Variants in BCO1 observed in about 807,000 individuals in gnomAD.
BCO1 encodes the protein beta,beta-carotene 15,15'-dioxygenase.
Under a neutral mutation model 56.3 loss-of-function variants are expected in BCO1, and 54 were observed. That is an observed-to-expected ratio of 0.96 (90% CI 0.77 to 1.20). BCO1 has a LOEUF of 1.20. BCO1 is among the 50% of genes most tolerant of loss of function. The pLI is 0.00. For missense variants in BCO1, 801 were observed against 690.9 expected (o/e 1.16, Z -1.79); for synonymous variants, 318 against 266.1 (o/e 1.20, Z -1.90).
rs975407482 is a variant in BCO1 at position 81,272,915 on chromosome 16, C to T, written c.1101+2499C>T. Among the ~76,000 whole-genome samples, 3 of 152,148 alleles carry T rather than the reference C, an allele frequency of 2.0e-5. No individual in the cohort carries two copies. The South Asian group carries it at 6.2e-4, about 31-fold the overall frequency. On this transcript the variant is annotated intron_variant, in intron 7 of 10. Coordinates refer to ENST00000258168, the MANE Select transcript of BCO1 (RefSeq NM_017429.3). ...AAGAAATGTGGGCAAGGTCACAGCC[C>T]AGAGTGGCAGAGCCAAGACTGGAAC...
At chr16:81,265,912 T>A (rs892257032) in intron 5 of BCO1, among the ~76,000 whole-genome samples, 4 of 150,612 alleles carry the variant, frequency 2.7e-5, no homozygotes, top group African/African-American at 9.8e-5. Context: ...CCAACATCCA[T>A]CTACCATGTG....
At chr16:81,278,105 G>A (rs963447082) in intron 7 of BCO1, among the ~76,000 whole-genome samples, 24 of 151,984 alleles carry the variant, frequency 1.6e-4, no homozygotes, top group African/African-American at 5.1e-4. Context: ...GCAGTGACGC[G>A]ATCTCGGCTC....
chr16:81,255,706 C>T (rs576891269), intron 2 of BCO1, among the ~76,000 whole-genome samples: 24 of 152,074 alleles, frequency 1.6e-4, no homozygotes, highest in Non-Finnish European at 2.9e-4. Context: ...AGGGTTTCAC[C>T]GTATAGGCCA....
At chr16:81,240,450 G>A (rs1428519916) in intron 1 of BCO1, among the ~76,000 whole-genome samples, 2 of 151,886 alleles carry the variant, frequency 1.3e-5, no homozygotes, top group African/African-American at 2.4e-5. Context: ...TCACGCCTGT[G>A]GTCCCAGCAC....
Position 81,268,106 on chromosome 16 carries a change from G to A in BCO1, c.818G>A (p.Cys273Tyr), listed in dbSNP as rs1335545819. The A allele has an allele frequency of 6.2e-7, 1 of 1,610,314 alleles. No individual in the cohort carries two copies. Among genetic ancestry groups the A allele is most frequent in the African/African-American group, 1.3e-5 (1 of 74,902 alleles). Residue 273 changes from cysteine to tyrosine, a missense_variant, in exon 6 of 11, where the codon TGC becomes TAC. Cys to Tyr is a radical substitution (Grantham distance 194). Coordinates refer to ENST00000258168, the MANE Select transcript of BCO1 (RefSeq NM_017429.3). ...AYIRRMSWAS[C>Y]LAFHREEKTY... ...ATCCGGAGAATGAGCTGGGCCTCCTGCCTGGCTTTCCACAGGGAGGAGAAG... is the reference window on the plus strand; with the variant it reads ...ATCCGGAGAATGAGCTGGGCCTCCTACCTGGCTTTCCACAGGGAGGAGAAG...
At chr16:81,254,575 T>C (rs1906013458) in intron 2 of BCO1, among the ~76,000 whole-genome samples, 1 of 152,008 alleles carries the variant, frequency 6.6e-6, no homozygotes, top group Admixed American at 6.6e-5. Context: ...AATTTTCTTA[T>C]AATTAGTGTT....
Position 81,290,521 on chromosome 16 carries a change from G to C in BCO1, c.1588G>C (p.Ala530Pro), listed in dbSNP as rs148049024. 50 of 1,614,110 alleles carry C rather than the reference G, an allele frequency of 3.1e-5. 2 individuals are homozygous for C. The South Asian group carries it at 4.6e-4, about 15-fold the overall frequency. Residue 530 changes from alanine (A) to proline (P), a missense_variant, in exon 11 of 11, where the codon GCT becomes CCT. Ala to Pro is a conservative substitution (Grantham distance 27). Coordinates refer to ENST00000258168, the MANE Select transcript of BCO1 (RefSeq NM_017429.3). ...GGACTGGGACACAAAAAAGCAGGCCGCTTCTGAGGAACAGCGGGACAGGGC... is the reference window on the plus strand; with the variant it reads ...GGACTGGGACACAAAAAAGCAGGCCCCTTCTGAGGAACAGCGGGACAGGGC... ...DMDWDTKKQAASEEQRDRASD... is the reference protein window; with the variant it reads ...DMDWDTKKQAPSEEQRDRASD...
At chr16:81,239,916 A>T (rs1248421035) in intron 1 of BCO1, among the ~76,000 whole-genome samples, 3 of 152,134 alleles carry the variant, frequency 2.0e-5, no homozygotes, top group Admixed American at 6.5e-5. Context: ...CAGTTTTAAG[A>T]ACAGCTGAGT....
chr16:81,261,762 G>C (rs1906494586), intron 3 of BCO1, among the ~76,000 whole-genome samples: 1 of 150,698 alleles, frequency 6.6e-6, no homozygotes, highest in Non-Finnish European at 1.5e-5. Flanking sequence ...TTTTCTTTGA[G>C]ACAGAGTCTC....
At chr16:81,242,429 G>A (rs1217258997) in intron 1 of BCO1, among the ~76,000 whole-genome samples, 2 of 151,960 alleles carry the variant, frequency 1.3e-5, no homozygotes, top group Admixed American at 6.6e-5. Context: ...TCAAACTTCT[G>A]ACCTCGAGTG....
chr16:81,255,087 G>T (rs928846926), intron 2 of BCO1, among the ~76,000 whole-genome samples: 4 of 152,188 alleles, frequency 2.6e-5, no homozygotes, highest in Non-Finnish European at 5.9e-5. Flanking sequence ...CTGGCCCCAG[G>T]TCCTGTTTCT....
At position 81,268,009 on chromosome 16, in the gene BCO1, G is replaced by T. The variant is rs373571833; in HGVS notation, c.721G>T (p.Val241Phe). The stretch of plus-strand genomic sequence containing the variant: ...CCCAAGCTACTACCACAGCTTTGGA[G>T]TCACCGAGAACTATGTCATCTTCCT... ...LSPSYYHSFGVTENYVIFLEQ... is the reference protein window; with the variant it reads ...LSPSYYHSFGFTENYVIFLEQ... Residue 241 changes from valine to phenylalanine, a missense_variant, in exon 6 of 11, where the codon GTC becomes TTC. Physicochemically the swap from Val to Phe is conservative, Grantham distance 50. Coordinates refer to ENST00000258168, the MANE Select transcript of BCO1 (RefSeq NM_017429.3). 2 of 1,613,816 alleles carry T rather than the reference G, an allele frequency of 1.2e-6. No homozygotes were observed. The highest frequency in any genetic ancestry group is 1.7e-6 in the Non-Finnish European group (2 of 1,180,018).
Position 81,290,830 on chromosome 16 carries a change from C to G in BCO1, c.*253C>G. The G allele has an allele frequency of 2.4e-6, 1 of 422,564 alleles. No homozygotes were observed. Among genetic ancestry groups the G allele is most frequent in the Non-Finnish European group, 4.2e-6 (1 of 237,466 alleles). The allele number at this position is 422,564 out of a possible 1,614,324, so 26.2% of individuals were successfully genotyped here. On this transcript the variant is annotated 3_prime_UTR_variant, in exon 11 of 11. Coordinates refer to ENST00000258168, the MANE Select transcript of BCO1 (RefSeq NM_017429.3). ...TAGATCCAGTCCTTCTAAGAAACCT[C>G]CTTTCCTTTAACAAAAAGACCTTGA...
intron 1 of BCO1, among the ~76,000 whole-genome samples, chr16:81,243,440 G>A (rs189252986): frequency 2.2e-4 from 32 of 143,976 alleles, no homozygotes; most frequent in Non-Finnish European, 3.8e-4. Context: ...CAGCTTGCCC[G>A]TCTCCTGGTC....
Position 81,240,488 on chromosome 16 carries a change from T to C in BCO1, c.64+1516T>C, listed in dbSNP as rs139595846. ...TCGGAGGCCAAAGAGGGTGGATCAC[T>C]TGAAGCCAGGAGTTTGAGACCAGCC... is the stretch of plus-strand genomic sequence containing the variant. On this transcript the variant is annotated intron_variant, in intron 1 of 10. Transcript: ENST00000258168. 3.2e-3 allele frequency among the ~76,000 whole-genome samples: 490 copies of C among 152,206 alleles called. 2 individuals carry two copies. Among genetic ancestry groups the C allele is most frequent in the African/African-American group, 0.011 (457 of 41,534 alleles).
At chr16:81,264,891 C>A (rs1906716758) in intron 5 of BCO1, 104 bp downstream of exon 5, 1 of 1,324,990 alleles carries the variant, frequency 7.5e-7, no homozygotes, top group Non-Finnish European at 1.1e-6. Flanking sequence ...GTGGTACTTT[C>A]TCCCGTAGAT....
At position 81,264,658 on chromosome 16, in the gene BCO1, G is replaced by A. The variant is rs764757293; in HGVS notation, c.490G>A (p.Val164Met). 21 of 1,613,964 alleles carry A rather than the reference G, an allele frequency of 1.3e-5. No homozygotes were observed. Among genetic ancestry groups the A allele is most frequent in the East Asian group, 2.2e-5 (1 of 44,894 alleles). The stretch of plus-strand genomic sequence containing the variant: ...CTTGCAGGTTGATTATCGTAAATAC[G>A]TGGCGGTAAATCTGGCAACGTCACA... ...TLEKVDYRKYVAVNLATSHPH... is the reference protein window; with the variant it reads ...TLEKVDYRKYMAVNLATSHPH... The change falls in exon 5 of 11, where the codon GTG becomes ATG. Residue 164 changes from valine (V) to methionine (M), a missense_variant. Val to Met is a conservative substitution (Grantham distance 21, BLOSUM62 1). Coordinates refer to ENST00000258168, the MANE Select transcript of BCO1 (RefSeq NM_017429.3).
intron 2 of BCO1, among the ~76,000 whole-genome samples, chr16:81,248,405 C>CAAAAAAAAAAAAAAAAAAAAA (rs372084002): frequency 6.8e-5 from 7 of 102,794 alleles, no homozygotes; most frequent in African/African-American, 3.0e-4. Context: ...CTCCCTCTCA[C>CAAAAAAAAAAAAAAAAAAAAA]AAAAAAAAAA....
intron 10 of BCO1, among the ~76,000 whole-genome samples, chr16:81,289,952 C>T (rs937019309): frequency 9.2e-5 from 14 of 152,254 alleles, no homozygotes; most frequent in African/African-American, 3.4e-4. Flanking sequence ...GCAACCTCCA[C>T]TCCCAGGTTC....
Sources: gnomAD v4.1 joint callset for allele counts (sites outside exome capture counted in the v4.1 genomes callset) on GRCh38, gnomAD v4.1.1 for gene constraint, MANE v1.5 for transcripts, NCBI Gene and HGNC (gene_info 2026-07-23, HGNC 2026-07-21) for gene names.